ACSL1: variants seen among roughly 807,000 people sequenced by gnomAD.
ACSL1 encodes long-chain-fatty-acid--CoA ligase 1.
Under a neutral mutation model 98.4 loss-of-function variants are expected in ACSL1, and 41 were observed. That is an observed-to-expected ratio of 0.42 (90% CI 0.32 to 0.54). The LOEUF (loss-of-function observed/expected upper bound fraction) is 0.54, where lower values mean the gene tolerates loss of function less well. Ranked by LOEUF, ACSL1 falls within the 20% of genes least tolerant of loss-of-function variation. The pLI, the probability that ACSL1 is intolerant of heterozygous loss-of-function variation, is 0.13. For missense variants in ACSL1, 734 were observed against 883.1 expected (o/e 0.83, Z 2.14); for synonymous variants, 316 against 322.7 (o/e 0.98, Z 0.22).
chr4:184,816,077 C>T (rs555894511), intron 1 of ACSL1, among the ~76,000 whole-genome samples: 1 of 151,520 alleles, frequency 6.6e-6, no homozygotes, highest in Non-Finnish European at 1.5e-5. Flanking sequence ...GCCAAGATGG[C>T]ACCACTGCGC....
At chr4:184,770,176 C>T (rs1409255382) in intron 11 of ACSL1, 2 of 1,274,496 alleles carry the variant, frequency 1.6e-6, no homozygotes, top group East Asian at 2.5e-5. Flanking sequence ...TATATTCTTT[C>T]AAATAATCTG....
In ACSL1 at chr4:184,755,973, C is replaced by T. The variant is rs944576247; in HGVS notation, c.*1152G>A. 2 of 152,400 alleles carry T rather than the reference C, an allele frequency of 1.3e-5. No individual in the cohort carries two copies. Among genetic ancestry groups the T allele is most frequent in the African/African-American group, 2.4e-5 (1 of 41,448 alleles). The allele number at this position is 152,400 out of a possible 1,614,324, so 9.4% of individuals were successfully genotyped here. Reference sequence around the variant, plus strand: ...AAAAAATCCCTGGAGAAGTGAATCCCAGGAAATGAACTTTCCAGATTTCTA... The same window carrying T: ...AAAAAATCCCTGGAGAAGTGAATCCTAGGAAATGAACTTTCCAGATTTCTA... On this transcript the variant is annotated 3_prime_UTR_variant, in exon 21 of 21. Coordinates refer to ENST00000281455, the MANE Select transcript of ACSL1 (RefSeq NM_001995.5).
intron 1 of ACSL1, among the ~76,000 whole-genome samples, chr4:184,808,920 C>T (rs538648798): frequency 2.3e-4 from 35 of 152,332 alleles, no homozygotes; most frequent in African/African-American, 8.2e-4. Flanking sequence ...CTGGGCCCAT[C>T]TCCTCACTCT....
intron 12 of ACSL1, among the ~76,000 whole-genome samples, chr4:184,767,672 T>C (rs1763824116): frequency 6.6e-6 from 1 of 152,206 alleles, no homozygotes; most frequent in African/African-American, 2.4e-5. Flanking sequence ...GTTGTCCTTT[T>C]AAAAAGAACC....
intron 3 of ACSL1, among the ~76,000 whole-genome samples, chr4:184,787,600 G>C (rs545919398): frequency 1.3e-5 from 2 of 151,318 alleles, no homozygotes; most frequent in African/African-American, 4.9e-5. Flanking sequence ...ATGGTGACTC[G>C]CGCCTGTAAT....
At chr4:184,762,842 C>A (rs1297444047) in intron 16 of ACSL1, among the ~76,000 whole-genome samples, 1 of 152,234 alleles carries the variant, frequency 6.6e-6, no homozygotes, top group African/African-American at 2.4e-5. Context: ...CAGCAGCCAG[C>A]AGCTCACTAA....
chr4:184,761,099 C>T (rs116169308), intron 17 of ACSL1, among the ~76,000 whole-genome samples: 1,537 of 152,294 alleles, frequency 0.01, 37 homozygotes, highest in African/African-American at 0.035. Flanking sequence ...TTACCCCATC[C>T]CCACCCCGGG....
chr4:184,795,187 C>G lies in ACSL1; in HGVS notation c.196-6456G>C, dbSNP rs1478762817. On this transcript the variant is annotated intron_variant, in intron 2 of 20. Transcript: ENST00000281455. ...CCTAGTTCAAAGGGAGCCACATTCC[C>G]ATCTACTACCTTTGGTCAGCTTTTG... Among the ~76,000 whole-genome samples, 3 of 152,358 alleles carry G rather than the reference C, an allele frequency of 2.0e-5. No individual in the cohort carries two copies. The East Asian group carries it at 5.8e-4, about 29-fold the overall frequency.
intron 1 of ACSL1, among the ~76,000 whole-genome samples, chr4:184,804,693 C>A (rs1771121832): frequency 1.3e-5 from 2 of 152,142 alleles, no homozygotes; most frequent in African/African-American, 4.8e-5. Context: ...GCCTCAGTTT[C>A]CTCATCTGTA....
At chr4:184,770,783 G>A (rs745923513) in intron 10 of ACSL1, among the ~76,000 whole-genome samples, 1 of 152,092 alleles carries the variant, frequency 6.6e-6, no homozygotes, top group African/African-American at 2.4e-5. Context: ...CAACACTGAG[G>A]AGAAACGGCT....
intron 1 of ACSL1, among the ~76,000 whole-genome samples, chr4:184,811,303 G>A (rs548021003): frequency 6.8e-4 from 104 of 151,930 alleles, no homozygotes; most frequent in African/African-American, 1.7e-3. Context: ...TAGTAGAGAC[G>A]GGGTTTCACC....
Position 184,756,971 on chromosome 4 carries a change from C to G in ACSL1, c.*154G>C. 1.1e-6 allele frequency: 1 copy of G among 932,842 alleles called. No individual in the cohort carries two copies. The highest frequency in any genetic ancestry group is 1.6e-6 in the Non-Finnish European group (1 of 643,422). 57.8% of individuals were successfully genotyped at this position (932,842 alleles called of 1,614,324 possible). A position where few individuals can be genotyped will look rare whatever the true frequency, so the allele number is the denominator to read the frequency against. On this transcript the variant is annotated 3_prime_UTR_variant, in exon 21 of 21. Transcript: ENST00000281455. ...ACTGTAAGGCAGTGTTCTCTTTCCT[C>G]TAGCATTCCTATGAGAAGAACCCCG...
rs776443640 is a variant in ACSL1, at chr4:184,773,124, C to T, written c.872G>A (p.Arg291Gln). 14 of 1,613,892 alleles carry T rather than the reference C, an allele frequency of 8.7e-6. No homozygotes were observed. Among genetic ancestry groups the T allele is most frequent in the Middle Eastern group, 1.6e-4 (1 of 6,082 alleles). The change falls in exon 10 of 21, where the codon CGA becomes CAA. Residue 291 changes from arginine (R) to glutamine (Q), a missense_variant. Arg to Gln is a conservative substitution (Grantham distance 43, BLOSUM62 1). Coordinates refer to ENST00000281455, the MANE Select transcript of ACSL1 (RefSeq NM_001995.5). This position sits in a 1 kb window ranked among gnomAD's most constrained non-coding sequence, Gnocchi z 4.3. ...AGCTGAACAATCGCTCACTATGTTT[C>T]GGTGAGTGACCATTGCTCCTTTGGG... ...GNPKGAMVTH[R>Q]NIVSDCSAFV...
chr4:184,791,638 G>A (rs1478644425), intron 2 of ACSL1, among the ~76,000 whole-genome samples: 2 of 152,260 alleles, frequency 1.3e-5, no homozygotes, highest in East Asian at 1.9e-4. Flanking sequence ...GGGCTAATGG[G>A]TTAGAAAGAA....
chr4:184,811,209 C>A (rs4862424), intron 1 of ACSL1, among the ~76,000 whole-genome samples: 23 of 152,026 alleles, frequency 1.5e-4, no homozygotes, highest in Admixed American at 7.9e-4. Flanking sequence ...TCTGGGTTCA[C>A]GCCATTCTCC....
intron 18 of ACSL1, chr4:184,758,227 A>G: frequency 3.4e-6 from 1 of 296,290 alleles, no homozygotes; most frequent in Non-Finnish European, 6.3e-6. Flanking sequence ...AGCAGGGTCA[A>G]GTAAACAAGG....
Position 184,773,517 on chromosome 4 carries a change from A to G in ACSL1, c.841+146T>C, listed in dbSNP as rs772804440. 3 of 734,258 alleles carry G rather than the reference A, an allele frequency of 4.1e-6. No individual in the cohort carries two copies. The highest frequency in any genetic ancestry group is 6.8e-6 in the Non-Finnish European group (3 of 444,214). The allele number at this position is 734,258 out of a possible 1,614,324, so 45.5% of individuals were successfully genotyped here. On this transcript the variant is annotated intron_variant, in intron 9 of 20. Transcript: ENST00000281455. The surrounding 1 kb of genome is among the most constrained non-coding windows in gnomAD (Gnocchi z 4.3). The stretch of plus-strand genomic sequence containing the variant: ...CTTGGACTCTGAGAAGATCTTACAG[A>G]GCAACAAGAAGACAGCACTTGAACC...
At position 184,757,268 on chromosome 4, in the gene ACSL1, G is replaced by A; in HGVS notation, c.1957-3C>T. 1.9e-6 allele frequency: 3 copies of A among 1,588,340 alleles called. No individual in the cohort carries two copies. Among genetic ancestry groups the A allele is most frequent in the Non-Finnish European group, 2.6e-6 (3 of 1,160,966 alleles). On this transcript the variant is annotated splice_region_variant and splice_polypyrimidine_tract_variant and intron_variant, in intron 20 of 20. Coordinates refer to ENST00000281455, the MANE Select transcript of ACSL1 (RefSeq NM_001995.5). This position sits in a 1 kb window ranked among gnomAD's most constrained non-coding sequence, Gnocchi z 4.5. ...GGGTGCAATGTGATGCCTTTGACCT[G>A]CCAATAAACAAGGCAGTTAAAAGAG...
chr4:184,819,371 G>C (rs1264843784), intron 1 of ACSL1, among the ~76,000 whole-genome samples: 1 of 151,946 alleles, frequency 6.6e-6, no homozygotes, highest in Non-Finnish European at 1.5e-5. Flanking sequence ...TCGAACTCCT[G>C]ACCTCAGATG....
Sources: allele counts gnomAD v4.1 joint callset (sites outside exome capture counted in the v4.1 genomes callset), GRCh38; gene constraint gnomAD v4.1.1; non-coding constraint Gnocchi (gnomAD v3.1); transcripts MANE v1.5; gene names NCBI Gene and HGNC (gene_info 2026-07-23, HGNC 2026-07-21).